The following XIRP2 variants were observed in gnomAD, a reference collection of about 807,000 sequenced individuals.
XIRP2 encodes the protein xin actin-binding repeat-containing protein 2.
In XIRP2, 236 loss-of-function variants were observed where a neutral mutation model predicts 277.0. The observed-to-expected ratio is 0.85, with a 90% CI of 0.77 to 0.95. The LOEUF is 0.95. Among genes scored for constraint, XIRP2 ranks in the 40% least tolerant of loss-of-function variants. The pLI is 0.00. For missense variants in XIRP2, 4,640 were observed against 4,157.5 expected, an observed-to-expected ratio of 1.12 and a Z score of -3.19; for synonymous variants, 1,490 against 1,416.5, an observed-to-expected ratio of 1.05 and a Z score of -1.17.
intron 2 of XIRP2, among the ~76,000 whole-genome samples, chr2:167,059,306 T>TGG (rs1689118625): frequency 6.6e-6 from 1 of 150,988 alleles, no homozygotes; most frequent in South Asian, 2.1e-4. Context: ...TTAGTAGAGA[T>TGG]GGGGTTTCGC....
In XIRP2 at chr2:167,189,066, T is replaced by C. The variant is rs1041839174; in HGVS notation, c.563-21669T>C. On this transcript the variant is annotated intron_variant, in intron 3 of 10. Transcript: ENST00000409195. ...ATAATGTACTGTTGTTCACAGTTGA[T>C]AGCTTCCCACTATTCTCAGTTCCAG... 2.0e-5 allele frequency among the ~76,000 whole-genome samples: 3 copies of C among 152,346 alleles called. No individual in the cohort carries two copies. The South Asian group carries it at 6.2e-4, about 32-fold the overall frequency.
At chr2:167,024,180 G>A (rs1250550010) in intron 2 of XIRP2, among the ~76,000 whole-genome samples, 1 of 152,098 alleles carries the variant, frequency 6.6e-6, no homozygotes, top group Non-Finnish European at 1.5e-5. Flanking sequence ...TCCCTTTTAA[G>A]TTGGATTCCT....
At chr2:167,144,430 A>G (rs778177980) in intron 3 of XIRP2, among the ~76,000 whole-genome samples, 47 of 152,144 alleles carry the variant, frequency 3.1e-4, no homozygotes, top group Non-Finnish European at 6.0e-4. Context: ...GAAGAATACC[A>G]CATAACTTTG....
chr2:167,085,384 AGGTGT>A (rs1186618869), intron 2 of XIRP2, among the ~76,000 whole-genome samples: 2 of 150,184 alleles, frequency 1.3e-5, no homozygotes, highest in East Asian at 3.9e-4. Flanking sequence ...ATTTTGGAAT[AGGTGT>A]GGTGTGGTGC....
chr2:167,064,269 CTT>C (rs1468197958), intron 2 of XIRP2, among the ~76,000 whole-genome samples: 1 of 151,810 alleles, frequency 6.6e-6, no homozygotes, highest in African/African-American at 2.4e-5. Context: ...AGCTATTCCT[CTT>C]TGTTTAATTG....
intron 2 of XIRP2, among the ~76,000 whole-genome samples, chr2:167,118,482 G>GATAAAATAAACTAAAATAAA (rs1690958779): frequency 8.2e-6 from 1 of 122,164 alleles, no homozygotes. Context: ...ACTCTGTCTC[G>GATAAAATAAACTAAAATAAA]ATAAAATAAA....
At chr2:167,148,031 G>A (rs1339178963) in intron 3 of XIRP2, among the ~76,000 whole-genome samples, 1 of 152,004 alleles carries the variant, frequency 6.6e-6, no homozygotes, top group Non-Finnish European at 1.5e-5. Context: ...TACAAATAGA[G>A]TGATAAATTT....
At chr2:166,911,944 C>A (rs897835503) in intron 2 of XIRP2, among the ~76,000 whole-genome samples, 1 of 152,212 alleles carries the variant, frequency 6.6e-6, no homozygotes, top group African/African-American at 2.4e-5. Context: ...CCTCCACTCT[C>A]TTCTGGCTTG....
intron 2 of XIRP2, among the ~76,000 whole-genome samples, chr2:167,094,448 G>T (rs1463000266): frequency 6.6e-6 from 1 of 152,094 alleles, no homozygotes; most frequent in East Asian, 1.9e-4. Context: ...TATGGATTTA[G>T]GTCTTACATT....
At chr2:166,890,422 G>T (rs942388554) in intron 1 of XIRP2, among the ~76,000 whole-genome samples, 6 of 152,066 alleles carry the variant, frequency 3.9e-5, no homozygotes, top group African/African-American at 1.4e-4. Flanking sequence ...CCCCGAGTGG[G>T]CCCTTAAGAA....
At chr2:166,946,046 A>C (rs2105389147) in intron 2 of XIRP2, among the ~76,000 whole-genome samples, 1 of 152,248 alleles carries the variant, frequency 6.6e-6, no homozygotes, top group African/African-American at 2.4e-5. Context: ...GAGCAATTTA[A>C]ACTTTGGTTA....
intron 3 of XIRP2, among the ~76,000 whole-genome samples, chr2:167,151,314 T>C (rs895233184): frequency 1.3e-5 from 2 of 152,094 alleles, no homozygotes; most frequent in South Asian, 2.1e-4. Context: ...TGAATTCCTA[T>C]TGAGGCCAGG....
rs186300049 is a variant in XIRP2, at chr2:167,045,900, A to G, written c.409-90009A>G. 2.6e-3 allele frequency among the ~76,000 whole-genome samples: 393 copies of G among 152,142 alleles called. 2 individuals are homozygous for G. Among genetic ancestry groups the G allele is most frequent in the African/African-American group, 9.0e-3 (373 of 41,554 alleles). ...ATTACAGAAATCCCGGCCGTTGCCC[A>G]TTCAGTATGATGTTGACTGTGGGTT... On this transcript the variant is annotated intron_variant, in intron 2 of 10. Transcript: ENST00000409195.
chr2:166,918,938 A>G (rs1421631188), intron 2 of XIRP2, among the ~76,000 whole-genome samples: 4 of 152,048 alleles, frequency 2.6e-5, no homozygotes, highest in Non-Finnish European at 5.9e-5. Context: ...CCTCTGACTA[A>G]GTCCTTTCTC....
At chr2:166,895,194 AT>A (rs1205504985) in intron 1 of XIRP2, among the ~76,000 whole-genome samples, 1 of 152,186 alleles carries the variant, frequency 6.6e-6, no homozygotes, top group African/African-American at 2.4e-5. Context: ...GAAGCAAAAC[AT>A]TTTACGTGCC....
intron 2 of XIRP2, among the ~76,000 whole-genome samples, chr2:166,925,626 T>TATAC (rs1316563535): frequency 7.2e-4 from 98 of 135,994 alleles, no homozygotes; most frequent in African/African-American, 2.6e-3. Flanking sequence ...TATATATATA[T>TATAC]ACATATAAGT....
chr2:166,912,879 C>CCT (rs148683673), intron 2 of XIRP2, among the ~76,000 whole-genome samples: 102,931 of 151,916 alleles, frequency 0.68, 36,999 homozygotes, highest in African/African-American at 0.91. Context: ...CACTCGAGAC[C>CCT]GTTTCCCTGG....
At chr2:167,188,033 A>G (rs1330821045) in intron 3 of XIRP2, among the ~76,000 whole-genome samples, 2 of 152,182 alleles carry the variant, frequency 1.3e-5, no homozygotes, top group South Asian at 2.1e-4. Context: ...CTCCAGCCAG[A>G]GTCTCATCTC....
In XIRP2 at chr2:167,237,215, T is replaced by C. The variant is rs376232535; in HGVS notation, c.859-2640T>C. On this transcript the variant is annotated intron_variant, in intron 5 of 10. Coordinates refer to ENST00000409195, the MANE Select transcript of XIRP2 (RefSeq NM_152381.6). ...CATATTTACAGATGATAGGCATAGATTGTTTTTACTCAAGTAGATACATAT... is the reference window on the plus strand; with the variant it reads ...CATATTTACAGATGATAGGCATAGACTGTTTTTACTCAAGTAGATACATAT... 3.5e-4 allele frequency among the ~76,000 whole-genome samples: 54 copies of C among 152,322 alleles called. 2 individuals are homozygous for C. In the South Asian group the frequency reaches 0.011, roughly 31 times the overall value.
Sources: allele counts gnomAD v4.1 joint callset (sites outside exome capture counted in the v4.1 genomes callset), GRCh38; gene constraint gnomAD v4.1.1; transcripts MANE v1.5; gene names NCBI Gene and HGNC (gene_info 2026-07-23, HGNC 2026-07-21).